TASP1: variants seen among roughly 807,000 people sequenced by gnomAD.
The protein encoded by TASP1 is threonine aspartase 1.
In TASP1, 16 loss-of-function variants were observed where a neutral mutation model predicts 56.6. The ratio of observed to expected loss-of-function variants is 0.28; its 90% CI spans 0.19 to 0.43. TASP1 has a LOEUF of 0.43. TASP1 is among the 20% of genes least tolerant of loss of function. The pLI, the probability that TASP1 is intolerant of heterozygous loss-of-function variation, is 1.00. For synonymous variants in TASP1, 179 were observed against 184.2 expected, an observed-to-expected ratio of 0.97 and a Z score of 0.23; for missense variants, 393 against 511.6, an observed-to-expected ratio of 0.77 and a Z score of 2.24.
chr20:13,521,645 G>GT (rs2044761354), intron 10 of TASP1, among the ~76,000 whole-genome samples: 1 of 140,824 alleles, frequency 7.1e-6, no homozygotes, highest in Non-Finnish European at 1.5e-5. Flanking sequence ...GGTGGGGGAG[G>GT]GGGGAGGGAT....
the TASP1 span, among the ~76,000 whole-genome samples, chr20:13,190,139 G>T: frequency 6.6e-6 from 1 of 152,098 alleles, no homozygotes; most frequent in Non-Finnish European, 1.5e-5. Flanking sequence ...AATACACAGT[G>T]GGGACTCCAA....
At chr20:13,505,946 T>C (rs1808032069) in intron 10 of TASP1, among the ~76,000 whole-genome samples, 2 of 151,618 alleles carry the variant, frequency 1.3e-5, no homozygotes, top group South Asian at 2.1e-4. Flanking sequence ...AGATAACCAA[T>C]AGAAAAGATC....
chr20:13,365,757 C>T, the TASP1 span, among the ~76,000 whole-genome samples: 2 of 152,036 alleles, frequency 1.3e-5, no homozygotes, highest in African/African-American at 2.4e-5. Context: ...GGGTTTATTT[C>T]GACTGAATGG....
chr20:13,221,245 TC>T, the TASP1 span, among the ~76,000 whole-genome samples: 1 of 136,392 alleles, frequency 7.3e-6, no homozygotes, highest in African/African-American at 2.8e-5. Context: ...CTCCTCCTCC[TC>T]CTCCTCCTCC....
chr20:13,152,210 A>T, the TASP1 span, among the ~76,000 whole-genome samples: 1 of 152,310 alleles, frequency 6.6e-6, no homozygotes, highest in Admixed American at 6.5e-5. Context: ...TGCGTATAAC[A>T]TAGGATTACA....
At position 13,461,307 on chromosome 20, in the gene TASP1, A is replaced by G. The variant is rs188875381; in HGVS notation, c.985+21920T>C. ...TTCATTTTTCTCTGTAGCTTTTATT[A>G]CCATATGATAGACTAAGTTTTACCT... is the stretch of plus-strand genomic sequence containing the variant. On this transcript the variant is annotated intron_variant, in intron 11 of 13. Coordinates refer to ENST00000337743, the MANE Select transcript of TASP1 (RefSeq NM_017714.3). Among the ~76,000 whole-genome samples, 9 of 152,260 alleles carry G rather than the reference A, an allele frequency of 5.9e-5. No individual in the cohort carries two copies. The East Asian group carries it at 1.7e-3, about 29-fold the overall frequency.
In TASP1 at chr20:13,466,349, G is replaced by A. The variant is rs529115264; in HGVS notation, c.985+16878C>T. 1.3e-4 allele frequency among the ~76,000 whole-genome samples: 20 copies of A among 152,200 alleles called. No homozygotes were observed. In the South Asian group the frequency reaches 3.3e-3, roughly 25 times the overall value. The stretch of plus-strand genomic sequence containing the variant: ...CTATATCACAAAATAAGACTTGCAC[G>A]CCTTTATTTTGACATTGATGACAGC... On this transcript the variant is annotated intron_variant, in intron 11 of 13. Transcript: ENST00000337743.
chr20:13,417,547 G>A (rs1295417579), intron 12 of TASP1, 26 bp from the exon 13 acceptor site: 1 of 1,611,926 alleles, frequency 6.2e-7, no homozygotes, highest in South Asian at 1.1e-5. Context: ...ACACAAATAG[G>A]CACATTCAGA....
chr20:13,209,785 T>C, the TASP1 span, among the ~76,000 whole-genome samples: 1 of 152,228 alleles, frequency 6.6e-6, no homozygotes, highest in Admixed American at 6.5e-5. Context: ...TATGAGATTA[T>C]GCTAAGGCAC....
intron 4 of TASP1, chr20:13,616,757 T>A (rs144546721): frequency 1.0e-5 from 2 of 200,424 alleles, no homozygotes; most frequent in Non-Finnish European, 2.1e-5. Context: ...GATGTATCTA[T>A]GTGTAAACAC....
chr20:13,216,183 C>T, the TASP1 span, among the ~76,000 whole-genome samples: 2 of 152,190 alleles, frequency 1.3e-5, no homozygotes, highest in Non-Finnish European at 2.9e-5. Flanking sequence ...ATCGATCAGA[C>T]AGAGACCTAG....
At chr20:13,493,739 T>C (rs1321329364) in intron 10 of TASP1, among the ~76,000 whole-genome samples, 2 of 152,192 alleles carry the variant, frequency 1.3e-5, no homozygotes, top group Admixed American at 6.5e-5. Context: ...CTCCCTTTCA[T>C]ATACATAAAT....
At chr20:13,395,953 G>A (rs2041519689) in intron 13 of TASP1, among the ~76,000 whole-genome samples, 1 of 151,624 alleles carries the variant, frequency 6.6e-6, no homozygotes, top group African/African-American at 2.4e-5. Context: ...CGCCTGCCTT[G>A]GCCTCCCAAA....
At chr20:13,136,604 C>CATATATATATATATAT in the TASP1 span, among the ~76,000 whole-genome samples, 6 of 136,072 alleles carry the variant, frequency 4.4e-5, no homozygotes, top group African/African-American at 1.5e-4. Context: ...CATCTAAAAA[C>CATATATATATATATAT]ATATATATAT....
At chr20:13,124,877 C>T in the TASP1 span, among the ~76,000 whole-genome samples, 7 of 152,128 alleles carry the variant, frequency 4.6e-5, no homozygotes, top group African/African-American at 1.7e-4. Context: ...ATGAACCTAC[C>T]CCAAAGCAGA....
chr20:13,530,048 T>C lies in TASP1; in HGVS notation c.796-1537A>G, dbSNP rs915983012. Among the ~76,000 whole-genome samples the C allele has an allele frequency of 6.6e-5, 10 of 152,144 alleles. 1 individual carries two copies. The highest frequency in any genetic ancestry group is 1.5e-4 in the Non-Finnish European group (10 of 68,020). On this transcript the variant is annotated intron_variant, in intron 9 of 13. Coordinates refer to ENST00000337743, the MANE Select transcript of TASP1 (RefSeq NM_017714.3). ...ACCTCCCCCAGAAAGTCCTCCAATTTTTTAAAAACAGCTATTTTAGTTCTC... is the reference window on the plus strand; with the variant it reads ...ACCTCCCCCAGAAAGTCCTCCAATTCTTTAAAAACAGCTATTTTAGTTCTC...
chr20:13,227,085 C>T, the TASP1 span, among the ~76,000 whole-genome samples: 8 of 152,150 alleles, frequency 5.3e-5, no homozygotes, highest in African/African-American at 1.9e-4. Context: ...GTCTTGAATA[C>T]TTTTTTGTGT....
At chr20:13,247,517 G>GGGGTGTGT in the TASP1 span, among the ~76,000 whole-genome samples, 63 of 139,910 alleles carry the variant, frequency 4.5e-4, no homozygotes, top group African/African-American at 1.2e-3. Flanking sequence ...CAAAGTGAGG[G>GGGGTGTGT]GTGTGTGTGT....
chr20:13,357,930 C>G, the TASP1 span, among the ~76,000 whole-genome samples: 1 of 152,190 alleles, frequency 6.6e-6, no homozygotes, highest in African/African-American at 2.4e-5. Context: ...GTGACTTGCA[C>G]GTATATGCCC....
Sources: gnomAD v4.1 joint callset for allele counts (sites outside exome capture counted in the v4.1 genomes callset) on GRCh38, gnomAD v4.1.1 for gene constraint, MANE v1.5 for transcripts, NCBI Gene and HGNC (gene_info 2026-07-23, HGNC 2026-07-21) for gene names.